The following CCDC171 variants were observed in gnomAD, a reference collection of about 807,000 sequenced individuals.
CCDC171 encodes the protein coiled-coil domain-containing protein 171.
Under a neutral mutation model 168.2 loss-of-function variants are expected in CCDC171, and 177 were observed. The observed-to-expected ratio is 1.05, with a 90% CI of 0.93 to 1.19. The LOEUF is 1.19. Ranked by LOEUF, CCDC171 falls within the 50% of genes most tolerant of loss-of-function variation. The probability of loss-of-function intolerance (pLI) is 0.00; values close to 1 mark genes in which losing one functional copy is unlikely to be tolerated. For synonymous variants in CCDC171, 687 were observed against 540.8 expected, an observed-to-expected ratio of 1.27 and a Z score of -3.75; for missense variants, 1,991 against 1,539.0, an observed-to-expected ratio of 1.29 and a Z score of -4.91.
At chr9:15,578,337 C>G (rs575962754) in intron 3 of CCDC171, among the ~76,000 whole-genome samples, 1 of 150,474 alleles carries the variant, frequency 6.6e-6, no homozygotes, top group African/African-American at 2.4e-5. Context: ...CAGGCTCAAG[C>G]AATCCTTCCA....
chr9:15,791,596 T>C (rs1290062780), intron 21 of CCDC171, among the ~76,000 whole-genome samples: 1 of 152,156 alleles, frequency 6.6e-6, no homozygotes, highest in Admixed American at 6.6e-5. Context: ...TTTCTTTCTC[T>C]TGCCTGATTG....
intron 23 of CCDC171, among the ~76,000 whole-genome samples, chr9:15,868,745 G>A (rs191690583): frequency 2.0e-5 from 3 of 152,060 alleles, no homozygotes; most frequent in East Asian, 3.9e-4. Flanking sequence ...ACGCATTATT[G>A]TTTGGCGCTA....
At chr9:15,570,461 A>T (rs1048543888) in intron 2 of CCDC171, among the ~76,000 whole-genome samples, 1 of 151,032 alleles carries the variant, frequency 6.6e-6, no homozygotes, top group Non-Finnish European at 1.5e-5. Flanking sequence ...TATGCACCAT[A>T]TTTTTGGTCT....
the CCDC171 span, among the ~76,000 whole-genome samples, chr9:16,100,948 C>T: frequency 2.6e-5 from 4 of 152,068 alleles, no homozygotes; most frequent in African/African-American, 4.8e-5. Context: ...GGCAAGCGAG[C>T]CTCTGTGGCT....
At chr9:15,683,372 A>G (rs749285664) in intron 10 of CCDC171, among the ~76,000 whole-genome samples, 3 of 151,968 alleles carry the variant, frequency 2.0e-5, no homozygotes, top group African/African-American at 7.2e-5. Context: ...TTTACTTCCA[A>G]TGAACTATTA....
At chr9:15,658,106 T>A in intron 8 of CCDC171, among the ~76,000 whole-genome samples, 1 of 152,258 alleles carries the variant, frequency 6.6e-6, no homozygotes, top group East Asian at 1.9e-4. Context: ...TCTGAACAAC[T>A]GCTTGGATAA....
chr9:15,939,511 T>C (rs1027971268), intron 25 of CCDC171, among the ~76,000 whole-genome samples: 7 of 151,860 alleles, frequency 4.6e-5, no homozygotes, highest in Non-Finnish European at 1.0e-4. Flanking sequence ...GAGTTTAAAT[T>C]GGTCACCATT....
rs1049255633 is a variant in CCDC171 at position 15,782,268 on chromosome 9, C to T, written c.3082-2241C>T. Among the ~76,000 whole-genome samples the T allele has an allele frequency of 6.6e-5, 10 of 152,238 alleles. No homozygotes were observed. The East Asian group carries it at 1.3e-3, about 20-fold the overall frequency. On this transcript the variant is annotated intron_variant, in intron 20 of 25. Transcript: ENST00000380701. ...CTTTAATGGTTTTGGAATACTGTGT[C>T]CATCTACTGACAGTCGTTCTTTAAC... is the stretch of plus-strand genomic sequence containing the variant.
intron 24 of CCDC171, among the ~76,000 whole-genome samples, chr9:15,898,394 G>A (rs765816773): frequency 2.6e-5 from 4 of 152,140 alleles, no homozygotes; most frequent in Non-Finnish European, 4.4e-5. Flanking sequence ...GAGGGTCTCA[G>A]AATAGCTGGT....
chr9:15,995,776 G>A (rs548513376), intron 3 of CCDC171, among the ~76,000 whole-genome samples: 8 of 152,210 alleles, frequency 5.3e-5, no homozygotes, highest in African/African-American at 1.9e-4. Flanking sequence ...GTCTGCAACC[G>A]GTCTGTTGAA....
At chr9:15,874,797 T>C in intron 24 of CCDC171, 134 bp downstream of exon 24, 1 of 880,724 alleles carries the variant, frequency 1.1e-6, no homozygotes, top group Non-Finnish European at 1.6e-6. Context: ...TCATTTTTCT[T>C]CTATCATGTA....
At chr9:15,698,698 T>TAC (rs1355355342) in intron 11 of CCDC171, among the ~76,000 whole-genome samples, 1 of 152,076 alleles carries the variant, frequency 6.6e-6, no homozygotes, top group Non-Finnish European at 1.5e-5. Context: ...TGTATGTATA[T>TAC]ACACACACAC....
chr9:15,628,712 G>T (rs1029265033), intron 7 of CCDC171, among the ~76,000 whole-genome samples: 6 of 152,212 alleles, frequency 3.9e-5, no homozygotes, highest in Non-Finnish European at 5.9e-5. Context: ...ATCTGAGAAT[G>T]GGCAGACTGC....
intron 1 of CCDC171, among the ~76,000 whole-genome samples, chr9:15,554,381 A>T (rs755966645): frequency 5.9e-5 from 9 of 152,198 alleles, no homozygotes; most frequent in Non-Finnish European, 1.3e-4. Flanking sequence ...AGAGCAGAAG[A>T]TGAACATGGT....
intron 4 of CCDC171, among the ~76,000 whole-genome samples, chr9:15,586,123 A>T (rs891792637): frequency 6.6e-6 from 1 of 152,200 alleles, no homozygotes; most frequent in Non-Finnish European, 1.5e-5. Flanking sequence ...AAATGTCCTG[A>T]TGTTTGCAAC....
chr9:15,923,775 A>G lies in CCDC171; in HGVS notation c.3753+3353A>G, dbSNP rs781326429. On this transcript the variant is annotated intron_variant, in intron 25 of 25. Coordinates refer to ENST00000380701, the MANE Select transcript of CCDC171 (RefSeq NM_173550.4). ...TAAATACATGCAATTTCATCTTGCA[A>G]TTAAAAAATAGAGAACTTTTTTTCT... Among the ~76,000 whole-genome samples the G allele has an allele frequency of 4.0e-5, 6 of 151,426 alleles. No homozygotes were observed. The South Asian group carries it at 1.0e-3, about 26-fold the overall frequency.
In CCDC171 at chr9:15,698,821, A is replaced by G. The variant is rs573998631; in HGVS notation, c.1318+3484A>G. Among the ~76,000 whole-genome samples the G allele has an allele frequency of 3.3e-5, 5 of 152,244 alleles. No homozygotes were observed. The East Asian group carries it at 9.7e-4, about 29-fold the overall frequency. ...TCCTGCCTCAGCCTCCTAAATAGCT[A>G]GGACTTTAGGTATGGTAGCATCTGG... On this transcript the variant is annotated intron_variant, in intron 11 of 25. Coordinates refer to ENST00000380701, the MANE Select transcript of CCDC171 (RefSeq NM_173550.4).
At chr9:15,609,202 C>A (rs1457589025) in intron 6 of CCDC171, among the ~76,000 whole-genome samples, 1 of 151,510 alleles carries the variant, frequency 6.6e-6, no homozygotes, top group East Asian at 1.9e-4. Context: ...CGGGTTCAAG[C>A]GATTCTCCTG....
chr9:15,571,584 A>C lies in CCDC171; in HGVS notation c.42-40A>C, dbSNP rs375167819. Reference sequence around the variant, plus strand: ...TCAGAAATGCTCTGAAATGTGCTTTATGAGAAGCATATACATTTTACTGTA... The same window carrying C: ...TCAGAAATGCTCTGAAATGTGCTTTCTGAGAAGCATATACATTTTACTGTA... On this transcript the variant is annotated intron_variant, in intron 2 of 25. Coordinates refer to ENST00000380701, the MANE Select transcript of CCDC171 (RefSeq NM_173550.4). The C allele has an allele frequency of 4.3e-5, 62 of 1,447,658 alleles. No homozygotes were observed. In the African/African-American group the frequency reaches 8.5e-4, roughly 20 times the overall value. The allele number at this position is 1,447,658 out of a possible 1,614,324, so 89.7% of individuals were successfully genotyped here.
Sources: allele counts gnomAD v4.1 joint callset (sites outside exome capture counted in the v4.1 genomes callset), GRCh38; gene constraint gnomAD v4.1.1; transcripts MANE v1.5; gene names NCBI Gene and HGNC (gene_info 2026-07-23, HGNC 2026-07-21).